USP37: variants seen among roughly 807,000 people sequenced by gnomAD.
USP37 encodes ubiquitin carboxyl-terminal hydrolase 37.
Under a neutral mutation model 124.0 loss-of-function variants are expected in USP37, and 27 were observed. The observed-to-expected ratio is 0.22, with a 90% CI of 0.16 to 0.30. The LOEUF (loss-of-function observed/expected upper bound fraction) is 0.30. Ranked by LOEUF, USP37 falls within the 10% of genes least tolerant of loss-of-function variation. USP37 has a pLI of 1.00. For missense variants in USP37, 889 were observed against 1,140.4 expected (o/e 0.78, Z 3.17); for synonymous variants, 365 against 388.0 (o/e 0.94, Z 0.70).
intron 14 of USP37, among the ~76,000 whole-genome samples, chr2:218,494,187 A>G (rs1056663089): frequency 6.6e-6 from 1 of 152,230 alleles, no homozygotes; most frequent in Non-Finnish European, 1.5e-5. Flanking sequence ...GTCTTTATTA[A>G]AATTCTGGTT....
intron 11 of USP37, among the ~76,000 whole-genome samples, chr2:218,505,744 G>A (rs975974905): frequency 6.6e-6 from 1 of 152,100 alleles, no homozygotes; most frequent in Non-Finnish European, 1.5e-5. Context: ...TCTAATAGTT[G>A]TACTAAGATA....
At chr2:218,566,631 C>T (rs1300550564) in intron 1 of USP37, among the ~76,000 whole-genome samples, 1 of 152,194 alleles carries the variant, frequency 6.6e-6, no homozygotes, top group African/African-American at 2.4e-5. Flanking sequence ...TACTCTGTGC[C>T]AAGTGCTTAT....
intron 14 of USP37, among the ~76,000 whole-genome samples, chr2:218,492,864 G>T (rs1204799453): frequency 6.6e-6 from 1 of 152,114 alleles, no homozygotes; most frequent in Non-Finnish European, 1.5e-5. Flanking sequence ...AATTAGCTGG[G>T]TGTGGTGGCA....
At chr2:218,511,989 T>C (rs1294639519) in intron 10 of USP37, among the ~76,000 whole-genome samples, 1 of 152,166 alleles carries the variant, frequency 6.6e-6, no homozygotes, top group Non-Finnish European at 1.5e-5. Flanking sequence ...AGGCATACTT[T>C]TCTATAAGAT....
intron 1 of USP37, among the ~76,000 whole-genome samples, chr2:218,567,448 C>T (rs552892515): frequency 1.7e-4 from 26 of 152,248 alleles, no homozygotes; most frequent in African/African-American, 6.3e-4. Flanking sequence ...ACACACACCG[C>T]GCACATTTAC....
In USP37 at chr2:218,523,373, T is replaced by C. The variant is rs898379533; in HGVS notation, c.863+6583A>G. Among the ~76,000 whole-genome samples the C allele has an allele frequency of 3.9e-5, 6 of 152,268 alleles. No individual in the cohort carries two copies. In the East Asian group the frequency reaches 9.6e-4, roughly 24 times the overall value. ...CTCCAATGAACATTTCCTTTGAGCA[T>C]GACCTTTTGTGCATTATATCAGCAC... On this transcript the variant is annotated intron_variant, in intron 10 of 25. Transcript: ENST00000258399.
At position 218,475,130 on chromosome 2, in the gene USP37, T is replaced by C. The variant is rs6749612; in HGVS notation, c.2044-245A>G. On this transcript the variant is annotated intron_variant, in intron 19 of 25. Transcript: ENST00000258399. ...ATATATTTTGTACAAATTTGGAGAA[T>C]ACATAAAAATAATAAAATAAATTCA... Among the ~76,000 whole-genome samples, 866 of 152,220 alleles carry C rather than the reference T, an allele frequency of 5.7e-3. 15 individuals are homozygous for C. The highest frequency in any genetic ancestry group is 0.02 in the African/African-American group (820 of 41,528).
At chr2:218,541,109 G>A (rs185624572) in intron 8 of USP37, among the ~76,000 whole-genome samples, 2 of 152,312 alleles carry the variant, frequency 1.3e-5, no homozygotes. Flanking sequence ...AAAAGCAGGA[G>A]TAGCCCCATT....
At chr2:218,502,778 A>T (rs1559190993) in intron 11 of USP37, among the ~76,000 whole-genome samples, 1 of 152,218 alleles carries the variant, frequency 6.6e-6, no homozygotes, top group Non-Finnish European at 1.5e-5. Flanking sequence ...GCAAGGTAAC[A>T]GTAAAGTAGC....
At chr2:218,549,356 A>G (rs778467222) in intron 6 of USP37, among the ~76,000 whole-genome samples, 3 of 152,180 alleles carry the variant, frequency 2.0e-5, no homozygotes, top group Non-Finnish European at 4.4e-5. Flanking sequence ...TCATAAATTT[A>G]CTTACAGAAA....
chr2:218,495,148 G>T (rs868445963), intron 14 of USP37, among the ~76,000 whole-genome samples: 4 of 151,990 alleles, frequency 2.6e-5, no homozygotes, highest in Admixed American at 1.3e-4. Flanking sequence ...TTTTTGTTTC[G>T]TTTTGTTTTT....
intron 21 of USP37, 58 bp downstream of exon 21, chr2:218,465,952 T>C: frequency 1.3e-6 from 2 of 1,553,198 alleles, no homozygotes; most frequent in Non-Finnish European, 1.7e-6. Flanking sequence ...TAGTTATTAT[T>C]ATTATATTTC....
chr2:218,498,303 T>C, intron 11 of USP37, 146 bp from the exon 12 acceptor site: 1 of 767,558 alleles, frequency 1.3e-6, no homozygotes, highest in Non-Finnish European at 1.9e-6. Flanking sequence ...CCAAGGTTTC[T>C]GATTCAGTAG....
intron 20 of USP37, among the ~76,000 whole-genome samples, chr2:218,471,610 C>T (rs1690695018): frequency 6.6e-6 from 1 of 152,200 alleles, no homozygotes; most frequent in African/African-American, 2.4e-5. Context: ...CCTCCCTTGT[C>T]CCACCAACTG....
At chr2:218,473,978 A>G (rs545022738) in intron 20 of USP37, among the ~76,000 whole-genome samples, 34 of 152,198 alleles carry the variant, frequency 2.2e-4, no homozygotes, top group Admixed American at 5.9e-4. Flanking sequence ...TGAGTACTGT[A>G]GGCAACTGTA....
chr2:218,565,143 G>A (rs370213185), intron 1 of USP37, among the ~76,000 whole-genome samples: 26 of 152,138 alleles, frequency 1.7e-4, no homozygotes, highest in Non-Finnish European at 3.5e-4. Flanking sequence ...GGCTGGTATC[G>A]AACTCCGGGG....
Position 218,557,930 on chromosome 2 carries a change from CAAAAAA to C in USP37, c.156+562_156+567del, listed in dbSNP as rs61488353. On this transcript the variant is annotated intron_variant, in intron 4 of 25. Coordinates refer to ENST00000258399, the MANE Select transcript of USP37 (RefSeq NM_020935.3). ...TGGGTGACAGAGGAAGACTCTGTCT[CAAAAAA>C]AAAAAAAAAAAAAAGGTGAAAAGAA... 1.4e-4 allele frequency among the ~76,000 whole-genome samples: 5 copies of C among 35,670 alleles called. 1 individual carries two copies. Among genetic ancestry groups the C allele is most frequent in the Middle Eastern group, 0.048 (2 of 42 alleles). 23.4% of individuals were successfully genotyped at this position (35,670 alleles called of 152,430 possible). A position where few individuals can be genotyped will look rare whatever the true frequency, so the allele number is the denominator to read the frequency against.
At chr2:218,538,861 G>A (rs1227824561) in intron 8 of USP37, among the ~76,000 whole-genome samples, 1 of 152,182 alleles carries the variant, frequency 6.6e-6, no homozygotes, top group Non-Finnish European at 1.5e-5. Context: ...CAATGAATAT[G>A]ATGGAATTCA....
intron 25 of USP37, 100 bp downstream of exon 25, chr2:218,455,480 T>C: frequency 6.8e-7 from 1 of 1,463,892 alleles, no homozygotes; most frequent in East Asian, 2.3e-5. Context: ...TTTCAACCAA[T>C]CAACTGATGG....
Sources: allele counts gnomAD v4.1 joint callset (sites outside exome capture counted in the v4.1 genomes callset), GRCh38; gene constraint gnomAD v4.1.1; transcripts MANE v1.5; gene names NCBI Gene and HGNC (gene_info 2026-07-23, HGNC 2026-07-21).